VPS9D1: variants seen among roughly 807,000 people sequenced by gnomAD.
VPS9D1 encodes the protein VPS9 domain-containing protein 1.
In VPS9D1, 78 loss-of-function variants were observed where a neutral mutation model predicts 75.8. The ratio of observed to expected loss-of-function variants is 1.03; its 90% CI spans 0.86 to 1.24. The LOEUF (loss-of-function observed/expected upper bound fraction) is 1.24. Ranked by LOEUF, VPS9D1 falls within the 50% of genes most tolerant of loss-of-function variation. The pLI, the probability that VPS9D1 is intolerant of heterozygous loss-of-function variation, is 0.00. For missense variants in VPS9D1, 1,057 were observed against 847.7 expected (o/e 1.25, Z -3.07); for synonymous variants, 481 against 385.6 (o/e 1.25, Z -2.90).
chr16:89,708,768 G>A (rs960037730), intron 13 of VPS9D1, 89 bp downstream of exon 13: 109 of 1,355,280 alleles, frequency 8.0e-5, no homozygotes, highest in Middle Eastern at 7.9e-4. Flanking sequence ...CTGGCACAAG[G>A]CTAAGGGGCA....
At position 89,711,589 on chromosome 16, in the gene VPS9D1, T is replaced by C. The variant is rs1219129964; in HGVS notation, c.748-177A>G. On this transcript the variant is annotated intron_variant, in intron 8 of 14. Coordinates refer to ENST00000389386, the MANE Select transcript of VPS9D1 (RefSeq NM_004913.3). ...CCCCCACCCACACCCGAGGGAAACC[T>C]TAGGCGAACCCTGGGCCTGCACCCT... The C allele has an allele frequency of 1.7e-4, 67 of 386,714 alleles. No homozygotes were observed. The Admixed American group carries it at 3.4e-3, about 20-fold the overall frequency. The allele number at this position is 386,714 out of a possible 1,614,324, so 24.0% of individuals were successfully genotyped here. A position where few individuals can be genotyped will look rare whatever the true frequency, so the allele number is the denominator to read the frequency against.
In VPS9D1 at chr16:89,716,723, G is replaced by C. The variant is rs752361089; in HGVS notation, c.268+7C>G. 9 of 1,589,538 alleles carry C rather than the reference G, an allele frequency of 5.7e-6. No individual in the cohort carries two copies. Among genetic ancestry groups the C allele is most frequent in the South Asian group, 4.5e-5 (4 of 89,272 alleles). On this transcript the variant is annotated splice_region_variant and intron_variant, in intron 3 of 14. Transcript: ENST00000389386. ...CCCAGGAGAGCCGCCTACTGCAGGAGACCCACCAAGCTTGGCGGCCGTCGA... is the reference window on the plus strand; with the variant it reads ...CCCAGGAGAGCCGCCTACTGCAGGACACCCACCAAGCTTGGCGGCCGTCGA...
chr16:89,719,625 G>A (rs954097609), intron 1 of VPS9D1, among the ~76,000 whole-genome samples: 4 of 152,198 alleles, frequency 2.6e-5, no homozygotes, highest in Admixed American at 1.3e-4. Flanking sequence ...TGCGAGTTAC[G>A]TATTTCCAGT....
At chr16:89,716,655 G>C (rs368685570) in intron 3 of VPS9D1, 31 bp from the exon 4 acceptor site, 7 of 1,608,088 alleles carry the variant, frequency 4.4e-6, no homozygotes, top group South Asian at 1.1e-5. Context: ...GGGGTCAAGC[G>C]GTGGGCCACA....
intron 1 of VPS9D1, chr16:89,720,463 G>A (rs928563889): frequency 1.8e-6 from 2 of 1,084,796 alleles, no homozygotes. Context: ...CTCGGATTTT[G>A]GAAGGTGGCC....
In VPS9D1 at chr16:89,710,876, C is replaced by T; in HGVS notation, c.968G>A (p.Arg323Gln). The change falls in exon 10 of 15, where the codon CGA becomes CAA. Residue 323 changes from arginine (R) to glutamine (Q), a missense_variant. By Grantham distance (43) the Arg-to-Gln change is conservative. Transcript: ENST00000389386. ...CCPPTPNPGS[R>Q]RLRPSQSLHC... ...GAGGCTCTGCGAGGGCCGCAGCCGT[C>T]GGCTTCCGGGGTTGGGGGTCGGGGG... The T allele has an allele frequency of 2.0e-6, 3 of 1,486,590 alleles. No homozygotes were observed. Among genetic ancestry groups the T allele is most frequent in the South Asian group, 1.3e-5 (1 of 78,392 alleles). The allele number at this position is 1,486,590 out of a possible 1,614,324, so 92.1% of individuals were successfully genotyped here. A position where few individuals can be genotyped will look rare whatever the true frequency, so the allele number is the denominator to read the frequency against.
intron 6 of VPS9D1, 63 bp downstream of exon 6, chr16:89,712,397 C>A: frequency 6.2e-7 from 1 of 1,603,094 alleles, no homozygotes; most frequent in African/African-American, 1.3e-5. Context: ...CCCTTCTCTG[C>A]CCTTGGCTCA....
rs756432520 is a variant in VPS9D1, at chr16:89,709,764, G to A, written c.1388+13C>T. The A allele has an allele frequency of 6.2e-7, 1 of 1,613,462 alleles. No homozygotes were observed. The highest frequency in any genetic ancestry group is 8.5e-7 in the Non-Finnish European group (1 of 1,179,910). On this transcript the variant is annotated intron_variant, in intron 11 of 14. Transcript: ENST00000389386. ...ACTAGGCCACGCAGGTGGTTGTACAGCTGGGTCCATACCTGTACAGGGCCA... is the reference window on the plus strand; with the variant it reads ...ACTAGGCCACGCAGGTGGTTGTACAACTGGGTCCATACCTGTACAGGGCCA...
rs1485506156 is a variant in VPS9D1, at chr16:89,710,667, G to A, written c.1177C>T (p.Gln393Ter). The change falls in exon 10 of 15, where the codon CAG becomes TAG. Residue 393 changes from glutamine to a stop codon, truncating the protein, a stop_gained. Coordinates refer to ENST00000389386, the MANE Select transcript of VPS9D1 (RefSeq NM_004913.3). LOFTEE classifies it high-confidence loss of function. ...LEQFLGTSER[Q>*]GRGRGVQPEP... ...GGCTGTACCCCACGGCCCCGGCCCT[G>A]CCGCTCAGACGTCCCCAGGAACTGC... 1.2e-6 allele frequency: 2 copies of A among 1,612,120 alleles called. No homozygotes were observed. Among genetic ancestry groups the A allele is most frequent in the Non-Finnish European group, 1.7e-6 (2 of 1,179,656 alleles).
rs1004806301 is a variant in VPS9D1 at position 89,709,923 on chromosome 16, C to T, written c.1259-17G>A. 9 of 1,586,958 alleles carry T rather than the reference C, an allele frequency of 5.7e-6. No homozygotes were observed. The highest frequency in any genetic ancestry group is 4.0e-5 in the African/African-American group (3 of 74,326). Reference sequence around the variant, plus strand: ...GCAGCCTGTCTGCTAGGAACAGAGCCGGGGACGTCCACAGAGGCTCCTCCC... The same window carrying T: ...GCAGCCTGTCTGCTAGGAACAGAGCTGGGGACGTCCACAGAGGCTCCTCCC... On this transcript the variant is annotated splice_polypyrimidine_tract_variant and intron_variant, in intron 10 of 14. Coordinates refer to ENST00000389386, the MANE Select transcript of VPS9D1 (RefSeq NM_004913.3).
intron 4 of VPS9D1, among the ~76,000 whole-genome samples, chr16:89,714,103 A>T (rs1418650375): frequency 6.6e-6 from 1 of 151,798 alleles, no homozygotes; most frequent in Non-Finnish European, 1.5e-5. Context: ...CGCCCAGCTA[A>T]TTTTTGTATT....
chr16:89,713,534 G>A (rs954541183), intron 4 of VPS9D1, among the ~76,000 whole-genome samples: 11 of 152,030 alleles, frequency 7.2e-5, no homozygotes, highest in African/African-American at 2.4e-4. Flanking sequence ...GATTACAGGC[G>A]TGAGCTACCG....
Position 89,712,656 on chromosome 16 carries a change from C to G in VPS9D1, c.492G>C (p.Glu164Asp). ...TGGGGTCTAGCCGCGCCATTCGGGC[C>G]TCATACGCAGCCTTCAGCTTCTGAT... ...LQNQKLKAAY[E>D]ARMARLDPSQ... Residue 164 changes from glutamate (E) to aspartate (D), a missense_variant, in exon 5 of 15, where the codon GAG (glutamate) becomes GAC (aspartate). Physicochemically the swap from Glu to Asp is conservative, Grantham distance 45 (BLOSUM62 2). Coordinates refer to ENST00000389386, the MANE Select transcript of VPS9D1 (RefSeq NM_004913.3). The G allele has an allele frequency of 6.2e-7, 1 of 1,612,298 alleles. No homozygotes were observed. The highest frequency in any genetic ancestry group is 8.5e-7 in the Non-Finnish European group (1 of 1,179,020).
At chr16:89,717,846 T>C (rs529271187) in intron 2 of VPS9D1, 39 of 455,698 alleles carry the variant, frequency 8.6e-5, no homozygotes, top group Middle Eastern at 3.3e-4. Context: ...TGTGTGATCC[T>C]ACGTCCAGTG....
intron 8 of VPS9D1, 118 bp downstream of exon 8, chr16:89,711,764 C>T (rs2060931463): frequency 8.0e-7 from 1 of 1,251,924 alleles, no homozygotes; most frequent in Non-Finnish European, 1.1e-6. Flanking sequence ...TGGCCCCGCC[C>T]CCTCACTGCC....
intron 6 of VPS9D1, 50 bp downstream of exon 6, chr16:89,712,410 G>A (rs778602166): frequency 1.2e-6 from 2 of 1,608,292 alleles, no homozygotes; most frequent in South Asian, 2.2e-5. Flanking sequence ...TTGGCTCAAG[G>A]CCACACTGAG....
chr16:89,711,923 G>T lies in VPS9D1; in HGVS notation c.706C>A (p.Arg236=). The change falls in exon 8 of 15, where the codon CGG becomes AGG. Residue 236 remains arginine (R), a synonymous_variant. Coordinates refer to ENST00000389386, the MANE Select transcript of VPS9D1 (RefSeq NM_004913.3). Reference sequence around the variant, plus strand: ...TCCAGGATGGCGGCGTAAAGGGCCCGCTGCTCCCGTTCCTCCGGGGTCAGG... The same window carrying T: ...TCCAGGATGGCGGCGTAAAGGGCCCTCTGCTCCCGTTCCTCCGGGGTCAGG... ...VALTPEEREQ[R]ALYAAILEYE... is the part of the protein sequence containing the mutation. 1 of 1,551,590 alleles carries T rather than the reference G, an allele frequency of 6.4e-7. No homozygotes were observed. The highest frequency in any genetic ancestry group is 8.7e-7 in the Non-Finnish European group (1 of 1,147,156).
chr16:89,708,021 A>C, intron 14 of VPS9D1, 67 bp from the exon 15 acceptor site: 3 of 1,494,260 alleles, frequency 2.0e-6, no homozygotes, highest in South Asian at 1.1e-5. Flanking sequence ...GCCCTCCAGA[A>C]GGTAGTGTCT....
rs759240011 is a variant in VPS9D1, at chr16:89,709,250, G to A, written c.1574C>T (p.Pro525Leu). Reference protein sequence around the residue: ...ELGLLVLESCPQKKLECIVRT... With the variant: ...ELGLLVLESCLQKKLECIVRT... Reference sequence around the variant, plus strand: ...ACCTATGCACTCCAGCTTCTTCTGGGGGCAGCTCTCCAGGACCAGCAGTCC... The same window carrying A: ...ACCTATGCACTCCAGCTTCTTCTGGAGGCAGCTCTCCAGGACCAGCAGTCC... Residue 525 changes from proline (P) to leucine (L), a missense_variant, in exon 12 of 15, where the codon CCC (proline) becomes CTC (leucine). Transcript: ENST00000389386. 2.4e-5 allele frequency: 38 copies of A among 1,611,810 alleles called. No homozygotes were observed. Among genetic ancestry groups the A allele is most frequent in the Non-Finnish European group, 3.1e-5 (37 of 1,179,936 alleles).
Sources: gnomAD v4.1 joint callset for allele counts (sites outside exome capture counted in the v4.1 genomes callset) on GRCh38, gnomAD v4.1.1 for gene constraint, MANE v1.5 for transcripts, NCBI Gene and HGNC (gene_info 2026-07-23, HGNC 2026-07-21) for gene names.